The following ZDHHC23 variants were observed in gnomAD, a reference collection of about 807,000 sequenced individuals.
ZDHHC23 encodes zDHHC palmitoyltransferase 23, also known as palmitoyltransferase ZDHHC23.
Under a neutral mutation model 40.2 loss-of-function variants are expected in ZDHHC23, and 41 were observed. That is an observed-to-expected ratio of 1.02 (90% CI 0.79 to 1.32). ZDHHC23 has a LOEUF of 1.32. ZDHHC23 is among the 40% of genes most tolerant of loss of function. The probability of loss-of-function intolerance (pLI) is 0.00; values close to 1 mark genes in which losing one functional copy is unlikely to be tolerated. For missense variants in ZDHHC23, 471 were observed against 541.5 expected (o/e 0.87, Z 1.29); for synonymous variants, 204 against 210.2 (o/e 0.97, Z 0.26).
chr3:113,976,376 C>A, the ZDHHC23 span, among the ~76,000 whole-genome samples: 4 of 151,834 alleles, frequency 2.6e-5, no homozygotes, highest in Non-Finnish European at 5.9e-5. Context: ...GGTCAAAAAA[C>A]CTAATCTGGA....
the ZDHHC23 span, chr3:113,978,747 T>A: frequency 8.3e-7 from 1 of 1,200,230 alleles, no homozygotes; most frequent in Non-Finnish European, 1.2e-6. Context: ...TTGACTACTC[T>A]TTTGTTCTTG....
chr3:113,963,472 T>C (rs1359300232), downstream of ZDHHC23: 2 of 148,418 alleles, frequency 1.3e-5, no homozygotes, highest in African/African-American at 2.5e-5. Context: ...CTGGGTGTGG[T>C]GGCTCACTCC....
At chr3:113,978,088 C>T in the ZDHHC23 span, 1 of 1,375,232 alleles carries the variant, frequency 7.3e-7, no homozygotes, top group African/African-American at 1.4e-5. Flanking sequence ...GCTCTCCTAG[C>T]CTCCAGCTCA....
chr3:113,957,963 T>A (rs1471219189), intron 4 of ZDHHC23: 2 of 378,246 alleles, frequency 5.3e-6, no homozygotes, highest in Admixed American at 7.2e-5. Flanking sequence ...GGCATCCACC[T>A]GCAGCTTCCT....
rs1939461158 is a variant in ZDHHC23, at chr3:113,958,624, T to C, written c.1302T>C (p.Ile434=). The change falls in exon 5 of 5, where the codon ATT becomes ATC. Residue 434 remains isoleucine, a synonymous_variant. Transcript: ENST00000638807. ...TRAFHHPAED[I]V is the part of the protein sequence containing the mutation. ...CATTCCACCACCCTGCCGAGGACAT[T>C]GTCTGAAGTGCCTTCTATGTGGCTC... 3 of 1,597,528 alleles carry C rather than the reference T, an allele frequency of 1.9e-6. No individual in the cohort carries two copies. The highest frequency in any genetic ancestry group is 1.1e-5 in the South Asian group (1 of 90,086).
rs1378565940 is a variant in ZDHHC23, at chr3:113,954,152, T to C, written c.614T>C (p.Leu205Pro). ...LSNPASGDRS[L>P]SSSQLECLSR... ...AATCCAGCAAGCGGTGACAGATCTC[T>C]AAGCAGCAGCCAGCTGGAGTGCCTG... Residue 205 changes from leucine to proline, a missense_variant, in exon 3 of 5, where the codon CTA (leucine) becomes CCA (proline). Leu to Pro is a moderately conservative substitution (Grantham distance 98, BLOSUM62 -3). Coordinates refer to ENST00000638807, the MANE Select transcript of ZDHHC23 (RefSeq NM_001320466.2). 1 of 1,614,084 alleles carries C rather than the reference T, an allele frequency of 6.2e-7. No individual in the cohort carries two copies. Among genetic ancestry groups the C allele is most frequent in the African/African-American group, 1.3e-5 (1 of 74,932 alleles).
At chr3:113,966,090 T>G (rs941213852), downstream of ZDHHC23, among the ~76,000 whole-genome samples, 1 of 151,952 alleles carries the variant, frequency 6.6e-6, no homozygotes, top group African/African-American at 2.4e-5. Context: ...AACGCAAAAA[T>G]GATGGAAAAT....
chr3:113,967,824 C>T (rs1940368633), downstream of ZDHHC23, among the ~76,000 whole-genome samples: 1 of 152,162 alleles, frequency 6.6e-6, no homozygotes, highest in East Asian at 1.9e-4. Flanking sequence ...TGGTAACCAC[C>T]AATGTATTCT....
rs1939670743 is a variant in ZDHHC23 at position 113,961,438 on chromosome 3, A to G, written c.*2808A>G. 6.6e-6 allele frequency: 1 copy of G among 152,638 alleles called. No homozygotes were observed. The highest frequency in any genetic ancestry group is 1.5e-5 in the Non-Finnish European group (1 of 68,050). The allele number at this position is 152,638 out of a possible 1,614,324, so 9.5% of individuals were successfully genotyped here. The stretch of plus-strand genomic sequence containing the variant: ...AAGAAGAAAATCCTTCAATATTTAA[A>G]ATGTTTCTTACAATACCCACGGAGC... On this transcript the variant is annotated 3_prime_UTR_variant, in exon 5 of 5. Coordinates refer to ENST00000638807, the MANE Select transcript of ZDHHC23 (RefSeq NM_001320466.2).
In ZDHHC23 at chr3:113,960,630, T is replaced by C. The variant is rs530249155; in HGVS notation, c.*2000T>C. The C allele has an allele frequency of 5.7e-6, 9 of 1,584,598 alleles. No individual in the cohort carries two copies. The East Asian group carries it at 7.0e-5, about 12-fold the overall frequency. ...TTCACAACATCTAAATGTAATGTGA[T>C]GTGATGAAGATAAGTAGTACAAAGA... On this transcript the variant is annotated 3_prime_UTR_variant, in exon 5 of 5. Transcript: ENST00000638807.
chr3:113,956,304 G>A (rs903681096), intron 3 of ZDHHC23, 35 bp from the exon 4 acceptor site: 1 of 1,589,814 alleles, frequency 6.3e-7, no homozygotes, highest in Non-Finnish European at 8.5e-7. Flanking sequence ...TCTTAAAAAT[G>A]TGTTTGCTTT....
At chr3:113,976,701 T>C in the ZDHHC23 span, among the ~76,000 whole-genome samples, 2 of 151,782 alleles carry the variant, frequency 1.3e-5, no homozygotes, top group Non-Finnish European at 2.9e-5. Context: ...TGAGTTACTA[T>C]AGTACCCTGT....
chr3:113,971,460 G>T, the ZDHHC23 span, among the ~76,000 whole-genome samples: 1 of 152,168 alleles, frequency 6.6e-6, no homozygotes, highest in Non-Finnish European at 1.5e-5. Context: ...TCTTGGTTCT[G>T]TTAATGTGAT....
Position 113,948,841 on chromosome 3 carries a change from G to C in ZDHHC23, c.39G>C (p.Lys13Asn), listed in dbSNP as rs1183142481. The C allele has an allele frequency of 2.5e-6, 4 of 1,614,086 alleles. No individual in the cohort carries two copies. Among genetic ancestry groups the C allele is most frequent in the Non-Finnish European group, 3.4e-6 (4 of 1,180,042 alleles). Reference sequence around the variant, plus strand: ...GCAGTATGAAGCCTGTGAAGAAAAAGAAAACCGAAGAACCTGAATTGGAGC... The same window carrying C: ...GCAGTATGAAGCCTGTGAAGAAAAACAAAACCGAAGAACCTGAATTGGAGC... ...QKGSMKPVKK[K>N]KTEEPELEPL... The change falls in exon 2 of 5, where the codon AAG (lysine) becomes AAC (asparagine). Residue 13 changes from lysine to asparagine, a missense_variant. By Grantham distance (94) the Lys-to-Asn change is moderately conservative. This residue lies in a region of ZDHHC23 where 83 missense variants were observed against 67.8 expected (regional missense o/e 1.22). Coordinates refer to ENST00000638807, the MANE Select transcript of ZDHHC23 (RefSeq NM_001320466.2).
chr3:113,955,391 T>TGTGTGTGTGC (rs58421915), intron 3 of ZDHHC23, among the ~76,000 whole-genome samples: 152 of 149,172 alleles, frequency 1.0e-3, no homozygotes, highest in African/African-American at 3.3e-3. Flanking sequence ...TGTGTGTGTG[T>TGTGTGTGTGC]GCGTGTGTGT....
rs1939708140 is a variant in ZDHHC23 at position 113,961,934 on chromosome 3, GT to G, written c.*3308del. On this transcript the variant is annotated 3_prime_UTR_variant, in exon 5 of 5. Coordinates refer to ENST00000638807, the MANE Select transcript of ZDHHC23 (RefSeq NM_001320466.2). ...CAAAAATATAACATCTAGAAGCACA[GT>G]TTTAGCCAGGATGTTTAAAAATTAC... 6.6e-6 allele frequency: 1 copy of G among 152,606 alleles called. No individual in the cohort carries two copies. The highest frequency in any genetic ancestry group is 2.4e-5 in the African/African-American group (1 of 41,428). The allele number at this position is 152,606 out of a possible 1,614,324, so 9.5% of individuals were successfully genotyped here. A position where few individuals can be genotyped will look rare whatever the true frequency, so the allele number is the denominator to read the frequency against.
chr3:113,949,066 T>C, intron 2 of ZDHHC23, 103 bp downstream of exon 2: 1 of 1,465,142 alleles, frequency 6.8e-7, no homozygotes, highest in South Asian at 1.3e-5. Context: ...TGCTCTTGAT[T>C]CTATTTCCAA....
Position 113,953,686 on chromosome 3 carries a change from C to A in ZDHHC23, c.162-14C>A. The A allele has an allele frequency of 6.3e-7, 1 of 1,598,750 alleles. No homozygotes were observed. Among genetic ancestry groups the A allele is most frequent in the Non-Finnish European group, 8.5e-7 (1 of 1,171,008 alleles). On this transcript the variant is annotated splice_polypyrimidine_tract_variant and intron_variant, in intron 2 of 4. Transcript: ENST00000638807. ...CCACATGAAGTCCCTCCTCTTTGTG[C>A]TTTTTCTGAATAGATGGATTACATG...
In ZDHHC23 at chr3:113,959,312, A is replaced by C. The variant is rs184997576; in HGVS notation, c.*682A>C. ...TAGACATGAACTACTCAAACAGAGAAGATGACCAGATGGATTGATGCTAAG... is the reference window on the plus strand; with the variant it reads ...TAGACATGAACTACTCAAACAGAGACGATGACCAGATGGATTGATGCTAAG... On this transcript the variant is annotated 3_prime_UTR_variant, in exon 5 of 5. Coordinates refer to ENST00000638807, the MANE Select transcript of ZDHHC23 (RefSeq NM_001320466.2). 19 of 1,098,526 alleles carry C rather than the reference A, an allele frequency of 1.7e-5. No individual in the cohort carries two copies. In the South Asian group the frequency reaches 4.3e-4, roughly 25 times the overall value. 68.0% of individuals were successfully genotyped at this position (1,098,526 alleles called of 1,614,324 possible).
Sources: gnomAD v4.1 joint callset for allele counts (sites outside exome capture counted in the v4.1 genomes callset) on GRCh38, gnomAD v4.1.1 for gene constraint, gnomAD v4.1.1 regional missense constraint, MANE v1.5 for transcripts, NCBI Gene and HGNC (gene_info 2026-07-23, HGNC 2026-07-21) for gene names.